The following SH3GL2 variants were observed in gnomAD, a reference collection of about 807,000 sequenced individuals.
SH3GL2 encodes the protein SH3 domain containing GRB2 like 2, endophilin A1, also known as endophilin-A1.
SH3GL2 carries 24 observed loss-of-function variants against 46.0 expected under a neutral mutation model. The observed-to-expected ratio is 0.52, with a 90% confidence interval of 0.38 to 0.73. SH3GL2 has a LOEUF of 0.73. Ranked by LOEUF, SH3GL2 falls within the 30% of genes least tolerant of loss-of-function variation. The pLI, the probability that SH3GL2 is intolerant of heterozygous loss-of-function variation, is 0.00. For missense variants in SH3GL2, 413 were observed against 424.2 expected (o/e 0.97, Z 0.23); for synonymous variants, 196 against 147.1 (o/e 1.33, Z -2.40).
chr9:17,669,568 A>G (rs1311973709), intron 1 of SH3GL2, among the ~76,000 whole-genome samples: 2 of 152,140 alleles, frequency 1.3e-5, no homozygotes, highest in Non-Finnish European at 2.9e-5. Flanking sequence ...TTCTCAGTGC[A>G]GTTTCTTGGA....
intron 1 of SH3GL2, among the ~76,000 whole-genome samples, chr9:17,670,173 G>A (rs1054107479): frequency 6.6e-6 from 1 of 152,096 alleles, no homozygotes; most frequent in African/African-American, 2.4e-5. Flanking sequence ...AAAAGGGGAG[G>A]TAGAATCCCC....
intron 1 of SH3GL2, among the ~76,000 whole-genome samples, chr9:17,643,190 G>C (rs995076221): frequency 1.3e-5 from 2 of 152,126 alleles, no homozygotes; most frequent in African/African-American, 4.8e-5. Context: ...CTCTGTATTT[G>C]TCTATTTTTG....
intron 1 of SH3GL2, among the ~76,000 whole-genome samples, chr9:17,600,744 T>C (rs1196054322): frequency 6.6e-6 from 1 of 152,214 alleles, no homozygotes; most frequent in East Asian, 1.9e-4. Flanking sequence ...TAAAGATTAG[T>C]TTCATGCTGA....
chr9:17,689,008 G>C (rs1233611433), intron 1 of SH3GL2, among the ~76,000 whole-genome samples: 1 of 152,010 alleles, frequency 6.6e-6, no homozygotes, highest in African/African-American at 2.4e-5. Flanking sequence ...CTTTACAGTG[G>C]AGAAACCCAC....
At chr9:17,745,433 G>T (rs1164082143) in intron 1 of SH3GL2, among the ~76,000 whole-genome samples, 1 of 152,126 alleles carries the variant, frequency 6.6e-6, no homozygotes, top group Non-Finnish European at 1.5e-5. Context: ...CAATTCTTAT[G>T]CCATTTAATT....
At position 17,594,896 on chromosome 9, in the gene SH3GL2, A is replaced by G. The variant is rs377678340; in HGVS notation, c.45+15609A>G. Among the ~76,000 whole-genome samples, 7 of 152,298 alleles carry G rather than the reference A, an allele frequency of 4.6e-5. No individual in the cohort carries two copies. In the South Asian group the frequency reaches 1.5e-3, roughly 32 times the overall value. ...ATATTTAAAAGGGGGTCCTATGCAT[A>G]TATTTTTGATGTATTCATTTCTGCT... On this transcript the variant is annotated intron_variant, in intron 1 of 8. Transcript: ENST00000380607.
intron 1 of SH3GL2, among the ~76,000 whole-genome samples, chr9:17,689,037 G>T (rs990026690): frequency 1.5e-4 from 23 of 152,064 alleles, no homozygotes; most frequent in African/African-American, 5.6e-4. Context: ...CCCCAGCCAG[G>T]TGATCAAGGT....
chr9:17,657,450 C>T (rs1563800644), intron 1 of SH3GL2, among the ~76,000 whole-genome samples: 1 of 152,142 alleles, frequency 6.6e-6, no homozygotes, highest in African/African-American at 2.4e-5. Context: ...GGTTGTACCA[C>T]AAACAGAGGC....
At chr9:17,759,136 C>A (rs1399573485) in intron 2 of SH3GL2, among the ~76,000 whole-genome samples, 2 of 152,120 alleles carry the variant, frequency 1.3e-5, no homozygotes, top group East Asian at 1.9e-4. Flanking sequence ...TTGCTCACCT[C>A]CCTGTGGGCC....
At chr9:17,777,036 A>T (rs1043804340) in intron 3 of SH3GL2, among the ~76,000 whole-genome samples, 2 of 152,202 alleles carry the variant, frequency 1.3e-5, no homozygotes, top group Non-Finnish European at 2.9e-5. Context: ...AGACAGAGGC[A>T]GGGAGACCTT....
intron 1 of SH3GL2, among the ~76,000 whole-genome samples, chr9:17,591,632 A>G (rs1034596838): frequency 2.6e-5 from 4 of 152,242 alleles, no homozygotes; most frequent in African/African-American, 4.8e-5. Context: ...TGTATTGTGT[A>G]GTGCTGAGAG....
chr9:17,766,373 A>C (rs965968610), intron 3 of SH3GL2, among the ~76,000 whole-genome samples: 1 of 152,244 alleles, frequency 6.6e-6, no homozygotes, highest in Non-Finnish European at 1.5e-5. Context: ...TATAGAAAGT[A>C]CTGTGCACAA....
chr9:17,705,157 A>T (rs1196300655), intron 1 of SH3GL2, among the ~76,000 whole-genome samples: 1 of 152,116 alleles, frequency 6.6e-6, no homozygotes, highest in Non-Finnish European at 1.5e-5. Flanking sequence ...AACATCACTG[A>T]TCATTAGAAA....
At chr9:17,708,786 A>G (rs1329024804) in intron 1 of SH3GL2, among the ~76,000 whole-genome samples, 1 of 151,970 alleles carries the variant, frequency 6.6e-6, no homozygotes, top group East Asian at 1.9e-4. Flanking sequence ...AAATTAGGCT[A>G]TGCAAATCCA....
At chr9:17,618,046 A>C (rs1279873786) in intron 1 of SH3GL2, among the ~76,000 whole-genome samples, 2 of 152,180 alleles carry the variant, frequency 1.3e-5, no homozygotes, top group African/African-American at 4.8e-5. Flanking sequence ...CAGAAGTTGC[A>C]GTTGGGAGTT....
At chr9:17,613,731 G>A (rs1193382164) in intron 1 of SH3GL2, among the ~76,000 whole-genome samples, 1 of 152,178 alleles carries the variant, frequency 6.6e-6, no homozygotes, top group Non-Finnish European at 1.5e-5. Context: ...CGGGAAGAAT[G>A]GCCAGCAAGA....
intron 1 of SH3GL2, among the ~76,000 whole-genome samples, chr9:17,723,099 C>T (rs1459143169): frequency 1.3e-5 from 2 of 152,048 alleles, no homozygotes; most frequent in Admixed American, 1.3e-4. Context: ...TTCCAGATGC[C>T]AGTGCAAGCT....
At chr9:17,622,216 G>C (rs1819157300) in intron 1 of SH3GL2, among the ~76,000 whole-genome samples, 2 of 152,038 alleles carry the variant, frequency 1.3e-5, no homozygotes, top group African/African-American at 4.8e-5. Flanking sequence ...ACTTGCCAGG[G>C]TGGTACATTA....
chr9:17,628,418 GT>G (rs1819338131), intron 1 of SH3GL2, among the ~76,000 whole-genome samples: 1 of 30,134 alleles, frequency 3.3e-5, no homozygotes, highest in African/African-American at 1.7e-4. Context: ...TTGGGTGTGT[GT>G]GTGTGTGTGT....
Sources: gnomAD v4.1 joint callset for allele counts (sites outside exome capture counted in the v4.1 genomes callset) on GRCh38, gnomAD v4.1.1 for gene constraint, MANE v1.5 for transcripts, NCBI Gene and HGNC (gene_info 2026-07-23, HGNC 2026-07-21) for gene names.